MCC: variants seen among roughly 807,000 people sequenced by gnomAD.
MCC encodes colorectal mutant cancer protein.
MCC carries 90 observed loss-of-function variants against 116.2 expected under a neutral mutation model. The ratio of observed to expected loss-of-function variants is 0.77; its 90% confidence interval spans 0.65 to 0.92. The LOEUF (loss-of-function observed/expected upper bound fraction) is 0.92, where lower values mean the gene tolerates loss of function less well. Among genes scored for constraint, MCC ranks in the 40% least tolerant of loss-of-function variants. The pLI is 0.00. For synonymous variants in MCC, 578 were observed against 510.5 expected (o/e 1.13, Z -1.78); for missense variants, 1,516 against 1,312.2 (o/e 1.16, Z -2.40).
chr5:113,034,530 C>G (rs1751194149), intron 17 of MCC, among the ~76,000 whole-genome samples: 1 of 152,220 alleles, frequency 6.6e-6, no homozygotes, highest in Non-Finnish European at 1.5e-5. Context: ...CTGTGAGTGG[C>G]TTCACAGCTG....
At chr5:113,153,515 C>G (rs1420768163) in intron 3 of MCC, among the ~76,000 whole-genome samples, 1 of 152,188 alleles carries the variant, frequency 6.6e-6, no homozygotes, top group Non-Finnish European at 1.5e-5. Flanking sequence ...CTCCAGATTT[C>G]CAGGAAGAGC....
chr5:113,318,167 A>T (rs1561521808), intron 3 of MCC, among the ~76,000 whole-genome samples: 2 of 152,172 alleles, frequency 1.3e-5, no homozygotes, highest in East Asian at 3.8e-4. Context: ...GAGTACATTC[A>T]TTTTTTAAAG....
chr5:113,356,024 C>G (rs978983820), intron 2 of MCC, among the ~76,000 whole-genome samples: 5 of 151,234 alleles, frequency 3.3e-5, no homozygotes, highest in African/African-American at 9.7e-5. Flanking sequence ...TCTGCCACTA[C>G]AACAACTATT....
intron 3 of MCC, among the ~76,000 whole-genome samples, chr5:113,331,435 G>A (rs1317590281): frequency 6.6e-6 from 1 of 150,986 alleles, no homozygotes; most frequent in Non-Finnish European, 1.5e-5. Context: ...TGTTAGTAGC[G>A]GATGTCAGGA....
At position 113,147,818 on chromosome 5, in the gene MCC, C is replaced by G. The variant is rs144814735; in HGVS notation, c.741+3491G>C. Among the ~76,000 whole-genome samples, 716 of 152,220 alleles carry G rather than the reference C, an allele frequency of 4.7e-3. 9 individuals carry two copies. The highest frequency in any genetic ancestry group is 0.017 in the African/African-American group (697 of 41,532). The stretch of plus-strand genomic sequence containing the variant: ...ATAGGAGAGGAATGGAATGAGGCGA[C>G]CCTAACAAAAATACATGCCGACTAC... On this transcript the variant is annotated intron_variant, in intron 4 of 18. Transcript: ENST00000408903.
chr5:113,412,952 C>A (rs1167523938), intron 1 of MCC, among the ~76,000 whole-genome samples: 1 of 152,130 alleles, frequency 6.6e-6, no homozygotes, highest in Non-Finnish European at 1.5e-5. Flanking sequence ...CCCATCAATA[C>A]CTAGCTTATT....
intron 1 of MCC, among the ~76,000 whole-genome samples, chr5:113,460,539 C>T (rs961885869): frequency 2.6e-5 from 4 of 152,212 alleles, no homozygotes; most frequent in African/African-American, 7.2e-5. Flanking sequence ...AATCATTTCT[C>T]CCCATTACAA....
chr5:113,354,256 TG>T (rs1196670668), intron 2 of MCC, among the ~76,000 whole-genome samples: 1 of 152,160 alleles, frequency 6.6e-6, no homozygotes, highest in African/African-American at 2.4e-5. Flanking sequence ...CATAACCCAC[TG>T]GCCAGATATA....
chr5:113,270,757 T>C (rs1581346819), intron 3 of MCC, among the ~76,000 whole-genome samples: 1 of 151,292 alleles, frequency 6.6e-6, no homozygotes, highest in Non-Finnish European at 1.5e-5. Flanking sequence ...ACCTGAGCTA[T>C]ATCCCTAACT....
At chr5:113,262,261 T>G (rs529269640) in intron 3 of MCC, among the ~76,000 whole-genome samples, 1 of 152,218 alleles carries the variant, frequency 6.6e-6, no homozygotes, top group East Asian at 1.9e-4. Context: ...GTCAATCCCA[T>G]GATTCTAGGC....
At chr5:113,419,208 G>A (rs965344086) in intron 1 of MCC, among the ~76,000 whole-genome samples, 4 of 149,570 alleles carry the variant, frequency 2.7e-5, no homozygotes, top group African/African-American at 9.9e-5. Flanking sequence ...CTGCCACTCA[G>A]GCTGGAGTGT....
At chr5:113,132,803 A>C (rs948088954) in intron 5 of MCC, among the ~76,000 whole-genome samples, 21 of 152,270 alleles carry the variant, frequency 1.4e-4, no homozygotes, top group Admixed American at 6.5e-4. Context: ...CATAGTACTC[A>C]GTGTCCCAAT....
At chr5:113,143,533 T>C (rs929132075) in intron 4 of MCC, among the ~76,000 whole-genome samples, 173 bp from the exon 5 acceptor site, 2 of 152,132 alleles carry the variant, frequency 1.3e-5, no homozygotes, top group African/African-American at 4.8e-5. Context: ...ATGGCTAAAT[T>C]TTATAATTCC....
At chr5:113,479,566 T>C (rs1463710707) in intron 1 of MCC, among the ~76,000 whole-genome samples, 1 of 148,970 alleles carries the variant, frequency 6.7e-6, no homozygotes, top group East Asian at 1.9e-4. Flanking sequence ...TTCCAAATTG[T>C]CTCCCATGTT....
At chr5:113,142,199 A>G (rs115525205) in intron 5 of MCC, among the ~76,000 whole-genome samples, 1,972 of 147,330 alleles carry the variant, frequency 0.013, 61 homozygotes, top group Non-Finnish European at 0.019. Context: ...AATGCATCCA[A>G]AGTTTCCTCT....
intron 9 of MCC, 63 bp downstream of exon 9, chr5:113,085,101 A>G: frequency 6.2e-7 from 1 of 1,609,668 alleles, no homozygotes; most frequent in South Asian, 1.1e-5. Context: ...GGCTAGGATG[A>G]GCCTGGTGCT....
chr5:113,118,880 G>A (rs1043719318), intron 6 of MCC, among the ~76,000 whole-genome samples: 1 of 152,184 alleles, frequency 6.6e-6, no homozygotes, highest in African/African-American at 2.4e-5. Flanking sequence ...CCTCCTGGGG[G>A]ATCTGGCAGA....
chr5:113,405,488 A>G (rs555697004), intron 1 of MCC, among the ~76,000 whole-genome samples: 2 of 152,276 alleles, frequency 1.3e-5, no homozygotes, highest in East Asian at 3.9e-4. Flanking sequence ...GTAGGAAAAA[A>G]CAGATGAAAT....
chr5:113,044,170 T>C (rs1383520802), intron 16 of MCC, among the ~76,000 whole-genome samples: 2 of 152,160 alleles, frequency 1.3e-5, no homozygotes, highest in Non-Finnish European at 1.5e-5. Context: ...CCACGTCTCC[T>C]TGGGAGAAAA....
Sources: allele counts gnomAD v4.1 joint callset (sites outside exome capture counted in the v4.1 genomes callset), GRCh38; gene constraint gnomAD v4.1.1; transcripts MANE v1.5; gene names NCBI Gene and HGNC (gene_info 2026-07-23, HGNC 2026-07-21).